Variants in GRIK3 observed in about 807,000 individuals in gnomAD.
GRIK3 encodes glutamate ionotropic receptor kainate type subunit 3.
In GRIK3, 29 loss-of-function variants were observed where a neutral mutation model predicts 102.5. That is an observed-to-expected ratio of 0.28 (90% CI 0.21 to 0.39). GRIK3 has a LOEUF of 0.39. Among genes scored for constraint, GRIK3 ranks in the 10% least tolerant of loss-of-function variants. The pLI is 1.00. For missense variants in GRIK3, 908 were observed against 1,252.4 expected (o/e 0.73, Z 4.15); for synonymous variants, 511 against 504.9 (o/e 1.01, Z -0.16).
At chr1:36,857,867 T>C (rs926700120) in intron 7 of GRIK3, among the ~76,000 whole-genome samples, 1 of 152,210 alleles carries the variant, frequency 6.6e-6, no homozygotes, top group African/African-American at 2.4e-5. Flanking sequence ...TGCTGTGACC[T>C]GATGCCTCCC....
chr1:36,830,662 T>C (rs1460136108), intron 10 of GRIK3, among the ~76,000 whole-genome samples: 2 of 151,594 alleles, frequency 1.3e-5, no homozygotes, highest in South Asian at 2.1e-4. Context: ...ATACAAAATT[T>C]AGCTGGGCAT....
chr1:36,968,328 G>A (rs1220597860), intron 1 of GRIK3, among the ~76,000 whole-genome samples: 1 of 150,290 alleles, frequency 6.7e-6, no homozygotes, highest in East Asian at 2.0e-4. Context: ...CGCCCTTCCT[G>A]TCTTTTCCTC....
intron 1 of GRIK3, among the ~76,000 whole-genome samples, chr1:37,028,219 C>T (rs148728470): frequency 2.0e-5 from 3 of 152,242 alleles, no homozygotes; most frequent in Non-Finnish European, 4.4e-5. Context: ...GACACAGACA[C>T]GAGGCCCTTG....
chr1:36,864,770 G>A (rs991106979), intron 5 of GRIK3, among the ~76,000 whole-genome samples: 2 of 152,144 alleles, frequency 1.3e-5, no homozygotes, highest in Non-Finnish European at 2.9e-5. Context: ...GTGGCACAGA[G>A]TGCCCCCATC....
At chr1:36,946,852 C>A (rs541421424) in intron 1 of GRIK3, among the ~76,000 whole-genome samples, 1 of 152,256 alleles carries the variant, frequency 6.6e-6, no homozygotes, top group Admixed American at 6.5e-5. Context: ...ACTGTCTCCA[C>A]CCCAACAGGC....
At chr1:37,000,548 G>T (rs1329877563) in intron 1 of GRIK3, among the ~76,000 whole-genome samples, 5 of 152,200 alleles carry the variant, frequency 3.3e-5, no homozygotes, top group Non-Finnish European at 7.3e-5. Context: ...ACAGCCACTT[G>T]CCAGGCACCA....
intron 1 of GRIK3, among the ~76,000 whole-genome samples, chr1:36,981,302 C>T (rs993434498): frequency 5.3e-5 from 8 of 152,204 alleles, no homozygotes; most frequent in African/African-American, 1.9e-4. Context: ...CCCGCCATTG[C>T]CACAGGGCTG....
chr1:36,982,388 GAC>G (rs1642259125), intron 1 of GRIK3, among the ~76,000 whole-genome samples: 1 of 152,214 alleles, frequency 6.6e-6, no homozygotes, highest in Admixed American at 6.5e-5. Context: ...GAGCTGGGAG[GAC>G]ACGAGTCCTT....
intron 1 of GRIK3, among the ~76,000 whole-genome samples, chr1:36,982,887 G>A (rs1642264697): frequency 1.3e-5 from 2 of 152,154 alleles, no homozygotes; most frequent in East Asian, 1.9e-4. Flanking sequence ...GTAGGGCAAG[G>A]AGCCGACTGC....
In GRIK3 at chr1:36,946,300, C is replaced by T. The variant is rs559809163; in HGVS notation, c.116-55204G>A. 9.8e-5 allele frequency among the ~76,000 whole-genome samples: 15 copies of T among 152,344 alleles called. No individual in the cohort carries two copies. The East Asian group carries it at 2.7e-3, about 27-fold the overall frequency. ...GCCCTTGGTCTATGTGAGCACAGGT[C>T]GTGCAGTGCAGACTGGGGTCCTGGC... On this transcript the variant is annotated intron_variant, in intron 1 of 15. Transcript: ENST00000373091.
chr1:36,990,958 G>A (rs1333446000), intron 1 of GRIK3, among the ~76,000 whole-genome samples: 3 of 152,168 alleles, frequency 2.0e-5, no homozygotes, highest in Admixed American at 6.5e-5. Context: ...TGGGTCTGGA[G>A]AGTGGCTTCA....
At chr1:36,916,438 A>G (rs926407288) in intron 1 of GRIK3, among the ~76,000 whole-genome samples, 3 of 152,178 alleles carry the variant, frequency 2.0e-5, no homozygotes, top group African/African-American at 7.2e-5. Context: ...GTTAATCCCC[A>G]AGACAATGGG....
At chr1:36,975,298 T>G (rs1028667991) in intron 1 of GRIK3, among the ~76,000 whole-genome samples, 8 of 146,534 alleles carry the variant, frequency 5.5e-5, no homozygotes, top group Non-Finnish European at 1.2e-4. Flanking sequence ...GTTTTTTTTT[T>G]TTTTTTTTTT....
intron 1 of GRIK3, among the ~76,000 whole-genome samples, chr1:36,893,835 T>C (rs1641144598): frequency 6.6e-6 from 1 of 152,194 alleles, no homozygotes. Flanking sequence ...GAAATACCCA[T>C]GATATATTTT....
At chr1:36,857,752 T>A (rs1354302559) in intron 7 of GRIK3, among the ~76,000 whole-genome samples, 1 of 152,238 alleles carries the variant, frequency 6.6e-6, no homozygotes, top group African/African-American at 2.4e-5. Flanking sequence ...ACTTGGGACC[T>A]CAGGGGAAGC....
At chr1:36,967,331 C>A (rs1642091392) in intron 1 of GRIK3, among the ~76,000 whole-genome samples, 1 of 152,264 alleles carries the variant, frequency 6.6e-6, no homozygotes, top group South Asian at 2.1e-4. Context: ...GCTTCTCACT[C>A]TGAAGCTTTT....
chr1:36,968,049 A>G (rs942119970), intron 1 of GRIK3, among the ~76,000 whole-genome samples: 6 of 152,112 alleles, frequency 3.9e-5, no homozygotes, highest in Non-Finnish European at 8.8e-5. Context: ...CTGGCAGAGC[A>G]CTGGGGTTCT....
intron 7 of GRIK3, among the ~76,000 whole-genome samples, chr1:36,858,487 A>G (rs1165334958): frequency 6.6e-6 from 1 of 152,202 alleles, no homozygotes; most frequent in African/African-American, 2.4e-5. Context: ...TCCATGGTCT[A>G]GGCAGCAGGA....
intron 15 of GRIK3, among the ~76,000 whole-genome samples, chr1:36,802,271 A>G (rs1328149813): frequency 6.6e-6 from 1 of 152,186 alleles, no homozygotes; most frequent in African/African-American, 2.4e-5. Context: ...GTGGGGCATC[A>G]TCTTAACCTC....
Sources: gnomAD v4.1 joint callset for allele counts (sites outside exome capture counted in the v4.1 genomes callset) on GRCh38, gnomAD v4.1.1 for gene constraint, MANE v1.5 for transcripts, NCBI Gene and HGNC (gene_info 2026-07-23, HGNC 2026-07-21) for gene names.